ERI3: variants seen among roughly 807,000 people sequenced by gnomAD.
ERI3 encodes the protein ERI1 exoribonuclease 3.
Under a neutral mutation model 44.4 loss-of-function variants are expected in ERI3, and 18 were observed. The ratio of observed to expected loss-of-function variants is 0.41; its 90% CI spans 0.28 to 0.60. The LOEUF is 0.60. Ranked by LOEUF, ERI3 falls within the 20% of genes least tolerant of loss-of-function variation. ERI3 has a pLI of 0.36. For synonymous variants in ERI3, 183 were observed against 164.8 expected, an observed-to-expected ratio of 1.11 and a Z score of -0.84; for missense variants, 294 against 435.5, an observed-to-expected ratio of 0.68 and a Z score of 2.89.
chr1:44,299,997 G>T (rs1385043791), intron 6 of ERI3, among the ~76,000 whole-genome samples: 3 of 152,136 alleles, frequency 2.0e-5, no homozygotes, highest in Non-Finnish European at 4.4e-5. Context: ...CCAACTCTGG[G>T]CTAAGGTGAA....
At chr1:44,340,269 G>A (rs537222957) in intron 2 of ERI3, among the ~76,000 whole-genome samples, 24 of 151,890 alleles carry the variant, frequency 1.6e-4, no homozygotes, top group African/African-American at 4.1e-4. Flanking sequence ...TTTTACTCAC[G>A]AATAACTCAA....
At chr1:44,281,826 T>C (rs1270719810) in intron 7 of ERI3, among the ~76,000 whole-genome samples, 1 of 151,378 alleles carries the variant, frequency 6.6e-6, no homozygotes, top group East Asian at 1.9e-4. Flanking sequence ...TATACTCACT[T>C]GGGCTGTATG....
chr1:44,234,200 C>A (rs1343582976), intron 8 of ERI3, among the ~76,000 whole-genome samples: 1 of 150,036 alleles, frequency 6.7e-6, no homozygotes, highest in Non-Finnish European at 1.5e-5. Context: ...CCAATAATTT[C>A]TAGGAGCTTT....
intron 8 of ERI3, among the ~76,000 whole-genome samples, chr1:44,232,229 A>G (rs1385673412): frequency 6.6e-6 from 1 of 152,246 alleles, no homozygotes; most frequent in Non-Finnish European, 1.5e-5. Context: ...ACCTTACAAC[A>G]TAGAACTCAC....
At chr1:44,281,921 T>C (rs1384565480) in intron 7 of ERI3, among the ~76,000 whole-genome samples, 3 of 150,368 alleles carry the variant, frequency 2.0e-5, no homozygotes, top group African/African-American at 7.4e-5. Context: ...TGTGTGTGTG[T>C]GTGTGTATGT....
At chr1:44,283,896 T>A in intron 7 of ERI3, 1 of 421,910 alleles carries the variant, frequency 2.4e-6, no homozygotes, top group South Asian at 1.8e-5. Flanking sequence ...CCACCTTCCT[T>A]GAATGCCCAG....
chr1:44,344,269 AAATAAAT>A (rs1646741697), intron 2 of ERI3, among the ~76,000 whole-genome samples: 2 of 150,720 alleles, frequency 1.3e-5, no homozygotes, highest in African/African-American at 2.5e-5. Context: ...ATAAATAAAT[AAATAAAT>A]AAAATTGTTT....
chr1:44,247,980 C>T lies in ERI3; in HGVS notation c.890G>A (p.Gly297Asp), dbSNP rs779614935. Residue 297 changes from glycine (G) to aspartate (D), a missense_variant, in exon 8 of 9, where the codon GGC becomes GAC. Transcript: ENST00000372257. Reference sequence around the variant, plus strand: ...CCGGCCTATGTGTTGCAGGCTGAGGCCCTTGTTCATGTCTAGAAGTCCATT... The same window carrying T: ...CCGGCCTATGTGTTGCAGGCTGAGGTCCTTGTTCATGTCTAGAAGTCCATT... ...PKNGLLDMNK[G>D]LSLQHIGRPH... The T allele has an allele frequency of 6.2e-7, 1 of 1,612,728 alleles. No homozygotes were observed. Among genetic ancestry groups the T allele is most frequent in the Non-Finnish European group, 8.5e-7 (1 of 1,179,458 alleles).
intron 7 of ERI3, among the ~76,000 whole-genome samples, chr1:44,261,115 C>T (rs749261982): frequency 6.6e-6 from 1 of 152,368 alleles, no homozygotes; most frequent in African/African-American, 2.4e-5. Context: ...CCTTTGAGAA[C>T]TCGACAGGCC....
chr1:44,317,112 C>T (rs1263133731), intron 4 of ERI3, among the ~76,000 whole-genome samples: 1 of 151,172 alleles, frequency 6.6e-6, no homozygotes, highest in East Asian at 2.0e-4. Flanking sequence ...AGCATGTGCC[C>T]ATGTGTGTGC....
chr1:44,344,926 G>A (rs1344805691), intron 2 of ERI3, among the ~76,000 whole-genome samples: 2 of 152,190 alleles, frequency 1.3e-5, no homozygotes, highest in African/African-American at 4.8e-5. Context: ...GGGCCAGCCC[G>A]ATTTGGAGAA....
intron 8 of ERI3, among the ~76,000 whole-genome samples, chr1:44,222,363 C>T (rs934182126): frequency 1.3e-5 from 2 of 152,254 alleles, no homozygotes; most frequent in Non-Finnish European, 2.9e-5. Flanking sequence ...CTGTATACAT[C>T]GGCGGAAGCC....
At chr1:44,351,626 G>T (rs34050681) in intron 2 of ERI3, among the ~76,000 whole-genome samples, 38,320 of 151,960 alleles carry the variant, frequency 0.25, 4,905 homozygotes, top group Non-Finnish European at 0.26. Context: ...GAAAAAATTT[G>T]CAGAGCACTA....
intron 7 of ERI3, among the ~76,000 whole-genome samples, chr1:44,258,231 C>A (rs1249925866): frequency 2.0e-5 from 3 of 152,146 alleles, no homozygotes; most frequent in African/African-American, 7.2e-5. Flanking sequence ...TGTCCTTTTT[C>A]CTAATAAAAA....
intron 6 of ERI3, among the ~76,000 whole-genome samples, chr1:44,297,082 G>A (rs1202624422): frequency 2.0e-5 from 3 of 152,132 alleles, no homozygotes; most frequent in African/African-American, 2.4e-5. Context: ...GGCTGCCTGC[G>A]AGAAAGAAAT....
At chr1:44,303,677 G>A (rs188342487) in intron 6 of ERI3, among the ~76,000 whole-genome samples, 2 of 152,212 alleles carry the variant, frequency 1.3e-5, no homozygotes, top group Admixed American at 1.3e-4. Context: ...GAGGGGTGTG[G>A]GGGTGCCACA....
chr1:44,223,664 G>A (rs1000982667), intron 8 of ERI3, among the ~76,000 whole-genome samples: 5 of 152,064 alleles, frequency 3.3e-5, no homozygotes, highest in Admixed American at 2.0e-4. Flanking sequence ...TGGACAAATC[G>A]TTCAATTTGC....
chr1:44,294,605 A>G (rs1435832158), intron 6 of ERI3, among the ~76,000 whole-genome samples: 2 of 152,220 alleles, frequency 1.3e-5, no homozygotes, highest in African/African-American at 4.8e-5. Flanking sequence ...TCATGACTGT[A>G]GAAGTGCTGG....
In ERI3 at chr1:44,252,985, T is replaced by C. The variant is rs1644712686; in HGVS notation, c.832-4947A>G. ...TTTAACCATACCTCTGGATGACTTG[T>C]CACCCTGCAGGTGATTGCTCAAGAC... On this transcript the variant is annotated intron_variant, in intron 7 of 8. Coordinates refer to ENST00000372257, the MANE Select transcript of ERI3 (RefSeq NM_024066.3). The surrounding 1 kb of genome is among the most constrained non-coding windows in gnomAD (Gnocchi z 4.7). Among the ~76,000 whole-genome samples, 2 of 152,170 alleles carry C rather than the reference T, an allele frequency of 1.3e-5. No individual in the cohort carries two copies. Among genetic ancestry groups the C allele is most frequent in the African/African-American group, 4.8e-5 (2 of 41,424 alleles).
Sources: allele counts gnomAD v4.1 joint callset (sites outside exome capture counted in the v4.1 genomes callset), GRCh38; gene constraint gnomAD v4.1.1; non-coding constraint Gnocchi (gnomAD v3.1); transcripts MANE v1.5; gene names NCBI Gene and HGNC (gene_info 2026-07-23, HGNC 2026-07-21).